Variants in MEGF10 observed in about 807,000 individuals in gnomAD.
The protein encoded by MEGF10 is multiple epidermal growth factor-like domains protein 10.
Under a neutral mutation model 147.5 loss-of-function variants are expected in MEGF10, and 86 were observed. The ratio of observed to expected loss-of-function variants is 0.58; its 90% CI spans 0.49 to 0.70. MEGF10 has a LOEUF of 0.70. MEGF10 is among the 30% of genes least tolerant of loss of function. MEGF10 has a pLI of 0.00. For synonymous variants in MEGF10, 478 were observed against 525.5 expected, an observed-to-expected ratio of 0.91 and a Z score of 1.24; for missense variants, 1,329 against 1,487.3, an observed-to-expected ratio of 0.89 and a Z score of 1.75.
chr5:127,236,237 C>T, the MEGF10 span, among the ~76,000 whole-genome samples: 1 of 152,204 alleles, frequency 6.6e-6, no homozygotes, highest in Non-Finnish European at 1.5e-5. Context: ...TCCCAAAGTG[C>T]TGGGATTACA....
chr5:127,405,528 T>C lies in MEGF10; in HGVS notation c.917+2846T>C, dbSNP rs945314801. The stretch of plus-strand genomic sequence containing the variant: ...TTGTTTTTAGCAAACTCTGGAGTTA[T>C]TTAGTTATACTATCATATCATCTAC... On this transcript the variant is annotated intron_variant, in intron 8 of 24. Transcript: ENST00000503335. Among the ~76,000 whole-genome samples, 12 of 152,326 alleles carry C rather than the reference T, an allele frequency of 7.9e-5. No individual in the cohort carries two copies. In the East Asian group the frequency reaches 2.3e-3, roughly 29 times the overall value.
chr5:127,411,572 G>A (rs779954893), intron 9 of MEGF10, among the ~76,000 whole-genome samples: 18 of 148,788 alleles, frequency 1.2e-4, no homozygotes, highest in Admixed American at 2.0e-4. Context: ...GTGTGTGTGC[G>A]CGCATATGTG....
At chr5:127,378,882 C>G (rs753538195) in intron 5 of MEGF10, among the ~76,000 whole-genome samples, 11 of 150,202 alleles carry the variant, frequency 7.3e-5, no homozygotes, top group Non-Finnish European at 1.3e-4. Flanking sequence ...TGCATTATTT[C>G]CAACCTCTGA....
chr5:127,374,143 G>T (rs1762941003), intron 5 of MEGF10, among the ~76,000 whole-genome samples: 1 of 152,196 alleles, frequency 6.6e-6, no homozygotes, highest in African/African-American at 2.4e-5. Flanking sequence ...ACAGAAACAA[G>T]GCATTGGAAA....
At chr5:127,391,062 G>A (rs1763640417) in intron 5 of MEGF10, among the ~76,000 whole-genome samples, 1 of 148,422 alleles carries the variant, frequency 6.7e-6, no homozygotes, top group Admixed American at 6.7e-5. Context: ...TTGTCTTTAT[G>A]TGTATATATA....
chr5:127,397,639 G>GA (rs1763968056), intron 6 of MEGF10, among the ~76,000 whole-genome samples: 3 of 152,144 alleles, frequency 2.0e-5, no homozygotes, highest in African/African-American at 7.2e-5. Context: ...TGGAGCTAAA[G>GA]AAAAAAATTG....
intron 1 of MEGF10, among the ~76,000 whole-genome samples, chr5:127,300,520 A>G (rs1759721247): frequency 6.6e-6 from 1 of 152,206 alleles, no homozygotes; most frequent in African/African-American, 2.4e-5. Flanking sequence ...CTGACATTAC[A>G]TTTAATCTAA....
At chr5:127,331,791 T>C (rs1761272108) in intron 2 of MEGF10, among the ~76,000 whole-genome samples, 2 of 152,018 alleles carry the variant, frequency 1.3e-5, no homozygotes, top group African/African-American at 4.8e-5. Flanking sequence ...GAAAGCAGCA[T>C]GAGATAATAT....
At chr5:127,241,943 C>T in the MEGF10 span, among the ~76,000 whole-genome samples, 1 of 151,898 alleles carries the variant, frequency 6.6e-6, no homozygotes, top group African/African-American at 2.4e-5. Context: ...TGGTATGGTG[C>T]CAGAGAGTGG....
chr5:127,272,638 C>T, the MEGF10 span, among the ~76,000 whole-genome samples: 2 of 152,080 alleles, frequency 1.3e-5, no homozygotes, highest in African/African-American at 4.8e-5. Flanking sequence ...TGATGAGGTC[C>T]TTCATTTCCC....
chr5:127,299,691 T>C (rs79449805), intron 1 of MEGF10, among the ~76,000 whole-genome samples: 2,232 of 152,284 alleles, frequency 0.015, 63 homozygotes, highest in East Asian at 0.11. Context: ...AAGGGAGACT[T>C]AGTTCCTAGT....
intron 5 of MEGF10, among the ~76,000 whole-genome samples, chr5:127,391,529 C>G (rs865865060): frequency 1.9e-4 from 28 of 151,078 alleles, no homozygotes; most frequent in Middle Eastern, 3.4e-3. Flanking sequence ...AAGATCGCAC[C>G]ACTGCACTCC....
chr5:127,434,624 G>A (rs1234513902), intron 14 of MEGF10, 63 bp from the exon 15 acceptor site: 40 of 1,495,054 alleles, frequency 2.7e-5, no homozygotes, highest in Admixed American at 1.5e-4. Context: ...ACTAGATCCC[G>A]ATCTGGAATG....
the MEGF10 span, among the ~76,000 whole-genome samples, chr5:127,260,027 T>A: frequency 5.3e-5 from 8 of 151,984 alleles, no homozygotes; most frequent in South Asian, 2.1e-4. Flanking sequence ...CATGGTGGTG[T>A]GTGCCTATAA....
chr5:127,426,874 T>C (rs1765224517), intron 13 of MEGF10, among the ~76,000 whole-genome samples: 1 of 152,206 alleles, frequency 6.6e-6, no homozygotes, highest in South Asian at 2.1e-4. Flanking sequence ...GTGTCCGGCC[T>C]CATTCCCAGC....
chr5:127,278,175 G>T, the MEGF10 span, among the ~76,000 whole-genome samples: 3 of 152,060 alleles, frequency 2.0e-5, no homozygotes, highest in Non-Finnish European at 2.9e-5. Context: ...AACCAACAAA[G>T]GTAACACAGA....
At chr5:127,294,275 A>G (rs191307489) in intron 1 of MEGF10, among the ~76,000 whole-genome samples, 1 of 152,316 alleles carries the variant, frequency 6.6e-6, no homozygotes, top group Non-Finnish European at 1.5e-5. Flanking sequence ...TTTATCCCTA[A>G]CAGATTGGTG....
At chr5:127,417,133 A>G (rs1020462931) in intron 9 of MEGF10, among the ~76,000 whole-genome samples, 10 of 152,202 alleles carry the variant, frequency 6.6e-5, no homozygotes, top group African/African-American at 2.4e-4. Flanking sequence ...TCCATTTGCT[A>G]TGGAGCAACA....
At position 127,436,197 on chromosome 5, in the gene MEGF10, T is replaced by A. The variant is rs75059846; in HGVS notation, c.2104+708T>A. On this transcript the variant is annotated intron_variant, in intron 16 of 24. Coordinates refer to ENST00000503335, the MANE Select transcript of MEGF10 (RefSeq NM_001256545.2). ...CAGTTTATATTGAATTCCCCCATCATGCACATAAGAGAAATCAAAGAATGA... is the reference window on the plus strand; with the variant it reads ...CAGTTTATATTGAATTCCCCCATCAAGCACATAAGAGAAATCAAAGAATGA... Among the ~76,000 whole-genome samples the A allele has an allele frequency of 5.2e-3, 789 of 152,360 alleles. 5 individuals are homozygous for A. Among genetic ancestry groups the A allele is most frequent in the African/African-American group, 0.018 (765 of 41,582 alleles).
Sources: gnomAD v4.1 joint callset for allele counts (sites outside exome capture counted in the v4.1 genomes callset) on GRCh38, gnomAD v4.1.1 for gene constraint, MANE v1.5 for transcripts, NCBI Gene and HGNC (gene_info 2026-07-23, HGNC 2026-07-21) for gene names.